NCOA6: variants seen among roughly 807,000 people sequenced by gnomAD.
NCOA6 encodes the protein NRC RAP250.
Under a neutral mutation model 171.4 loss-of-function variants are expected in NCOA6, and 49 were observed. The ratio of observed to expected loss-of-function variants is 0.29; its 90% CI spans 0.23 to 0.36. The LOEUF (loss-of-function observed/expected upper bound fraction) is 0.36, where lower values mean the gene tolerates loss of function less well. Among genes scored for constraint, NCOA6 ranks in the 10% least tolerant of loss-of-function variants. The pLI is 1.00. For missense variants in NCOA6, 2,248 were observed against 2,554.5 expected (o/e 0.88, Z 2.59); for synonymous variants, 910 against 927.5 (o/e 0.98, Z 0.34).
At chr20:34,824,997 C>A (rs900952208) in intron 1 of NCOA6, among the ~76,000 whole-genome samples, 2 of 152,160 alleles carry the variant, frequency 1.3e-5, no homozygotes, top group Non-Finnish European at 2.9e-5. Flanking sequence ...TCTAACACCG[C>A]CTAAGGCCTA....
chr20:34,743,630 A>G (rs562565849), intron 10 of NCOA6, among the ~76,000 whole-genome samples: 2 of 152,346 alleles, frequency 1.3e-5, no homozygotes, highest in South Asian at 2.1e-4. Flanking sequence ...TGTGCTATGC[A>G]CTGAAAATGG....
intron 1 of NCOA6, among the ~76,000 whole-genome samples, chr20:34,805,841 T>C (rs1251246195): frequency 6.6e-6 from 1 of 151,980 alleles, no homozygotes; most frequent in East Asian, 1.9e-4. Flanking sequence ...GCGCACACCA[T>C]TGTACCCAGC....
At chr20:34,775,304 A>AGG (rs1376502078) in intron 4 of NCOA6, among the ~76,000 whole-genome samples, 129 of 149,376 alleles carry the variant, frequency 8.6e-4, no homozygotes, top group African/African-American at 2.8e-3. Flanking sequence ...ATAGGGGTGT[A>AGG]GGTGTGTGTG....
At position 34,763,731 on chromosome 20, in the gene NCOA6, A is replaced by G. The variant is rs190533549; in HGVS notation, c.514+4733T>C. On this transcript the variant is annotated intron_variant, in intron 5 of 14. Coordinates refer to ENST00000359003, the MANE Select transcript of NCOA6 (RefSeq NM_014071.5). Reference sequence around the variant, plus strand: ...AAATGTCCAAAATGCAAGAGGGTAGAGAAGACAATTCCACAACACCCATTC... The same window carrying G: ...AAATGTCCAAAATGCAAGAGGGTAGGGAAGACAATTCCACAACACCCATTC... Among the ~76,000 whole-genome samples, 570 of 152,310 alleles carry G rather than the reference A, an allele frequency of 3.7e-3. 4 individuals carry two copies. The highest frequency in any genetic ancestry group is 0.013 in the African/African-American group (558 of 41,564).
chr20:34,777,648 T>C (rs570964747), intron 3 of NCOA6, among the ~76,000 whole-genome samples: 4 of 149,882 alleles, frequency 2.7e-5, no homozygotes, highest in Non-Finnish European at 5.9e-5. Context: ...CCTTGCGCAC[T>C]GTCAGTGGGA....
In NCOA6 at chr20:34,767,284, G is replaced by T. The variant is rs148626452; in HGVS notation, c.514+1180C>A. Among the ~76,000 whole-genome samples, 103 of 152,214 alleles carry T rather than the reference G, an allele frequency of 6.8e-4. 1 individual carries two copies. The highest frequency in any genetic ancestry group is 1.1e-3 in the Non-Finnish European group (77 of 67,994). On this transcript the variant is annotated intron_variant, in intron 5 of 14. Coordinates refer to ENST00000359003, the MANE Select transcript of NCOA6 (RefSeq NM_014071.5). The stretch of plus-strand genomic sequence containing the variant: ...TTCTATGATCAGTTCATTAGCTACA[G>T]TTCAGAATAGCATTTTTTTTGTTTT...
At chr20:34,776,532 A>G (rs1343790752) in intron 3 of NCOA6, 84 bp from the exon 4 acceptor site, 9 of 1,471,312 alleles carry the variant, frequency 6.1e-6, no homozygotes, top group South Asian at 1.2e-5. Flanking sequence ...CAAAAGAGCA[A>G]AAGAATAAGG....
At chr20:34,753,776 C>T (rs2076565011) in intron 8 of NCOA6, among the ~76,000 whole-genome samples, 1 of 152,100 alleles carries the variant, frequency 6.6e-6, no homozygotes, top group African/African-American at 2.4e-5. Context: ...TGTTACCCTG[C>T]CAGAAATAGT....
chr20:34,782,244 T>G lies in NCOA6; in HGVS notation c.112A>C (p.Lys38Gln). The stretch of plus-strand genomic sequence containing the variant: ...GAATCCTCCAAAATACTATCACTTT[T>G]TGTGTCATCATCTTCTAGTCCAGAG... ...FDSGLEDDDT[K>Q]SDSILEDSTI... Residue 38 changes from lysine (K) to glutamine (Q), a missense_variant, in exon 3 of 15, where the codon AAA becomes CAA. By Grantham distance (53) the Lys-to-Gln change is moderately conservative. Coordinates refer to ENST00000359003, the MANE Select transcript of NCOA6 (RefSeq NM_014071.5). 1 of 1,612,690 alleles carries G rather than the reference T, an allele frequency of 6.2e-7. No individual in the cohort carries two copies. Among genetic ancestry groups the G allele is most frequent in the Non-Finnish European group, 8.5e-7 (1 of 1,179,206 alleles).
At chr20:34,790,013 T>A (rs1390090464) in intron 2 of NCOA6, among the ~76,000 whole-genome samples, 2 of 150,506 alleles carry the variant, frequency 1.3e-5, no homozygotes, top group Non-Finnish European at 3.0e-5. Flanking sequence ...GGCGGGTGGA[T>A]CACTTGAGGT....
At chr20:34,751,376 C>CCAAAAAAAAA (rs2076478370) in intron 8 of NCOA6, among the ~76,000 whole-genome samples, 1 of 68,294 alleles carries the variant, frequency 1.5e-5, no homozygotes, top group African/African-American at 6.0e-5. Flanking sequence ...GACTCCGTCT[C>CCAAAAAAAAA]AAAAAAAAAA....
chr20:34,784,558 A>G (rs1471872543), intron 2 of NCOA6, among the ~76,000 whole-genome samples: 5 of 151,426 alleles, frequency 3.3e-5, no homozygotes, highest in Non-Finnish European at 7.4e-5. Flanking sequence ...AGGCTGGTGG[A>G]TGGCTTGAGG....
At chr20:34,745,550 A>G (rs1466400142) in intron 10 of NCOA6, among the ~76,000 whole-genome samples, 1 of 152,236 alleles carries the variant, frequency 6.6e-6, no homozygotes, top group Non-Finnish European at 1.5e-5. Context: ...TATTGATATC[A>G]TGATGGATTT....
At chr20:34,756,695 T>G (rs1436031042) in intron 7 of NCOA6, among the ~76,000 whole-genome samples, 2 of 152,212 alleles carry the variant, frequency 1.3e-5, no homozygotes, top group Non-Finnish European at 2.9e-5. Context: ...GGCATTGGCA[T>G]TATAAAACTA....
rs2077038395 is a variant in NCOA6, at chr20:34,768,243, CA to C, written c.514+220del. On this transcript the variant is annotated intron_variant, in intron 5 of 14. Coordinates refer to ENST00000359003, the MANE Select transcript of NCOA6 (RefSeq NM_014071.5). ...GTCAATAAATGTTTGCTGCATGGCT[CA>C]GTGTTCATCAACCTTTAAGCACGAG... Among the ~76,000 whole-genome samples, 3 of 152,162 alleles carry C rather than the reference CA, an allele frequency of 2.0e-5. No homozygotes were observed. The South Asian group carries it at 6.2e-4, about 31-fold the overall frequency.
chr20:34,796,739 G>A (rs1340017857), intron 1 of NCOA6, among the ~76,000 whole-genome samples: 1 of 151,982 alleles, frequency 6.6e-6, no homozygotes, highest in Non-Finnish European at 1.5e-5. Context: ...GACTGAGGCT[G>A]CAGTGTGCCA....
intron 11 of NCOA6, among the ~76,000 whole-genome samples, chr20:34,737,882 T>C (rs951447720): frequency 6.6e-6 from 1 of 152,236 alleles, no homozygotes; most frequent in Non-Finnish European, 1.5e-5. Flanking sequence ...TTAACTTTAG[T>C]GTTCATTTCT....
chr20:34,744,727 A>G (rs1194863420), intron 10 of NCOA6, among the ~76,000 whole-genome samples: 1 of 152,200 alleles, frequency 6.6e-6, no homozygotes, highest in East Asian at 1.9e-4. Context: ...AAAGCCAATA[A>G]CATGGCATTT....
chr20:34,817,469 CAAATA>C (rs2078879846), intron 1 of NCOA6, among the ~76,000 whole-genome samples: 1 of 151,910 alleles, frequency 6.6e-6, no homozygotes, highest in East Asian at 1.9e-4. Context: ...GATTGTATAT[CAAATA>C]AAGCATATGA....
Sources: allele counts gnomAD v4.1 joint callset (sites outside exome capture counted in the v4.1 genomes callset), GRCh38; gene constraint gnomAD v4.1.1; transcripts MANE v1.5; gene names NCBI Gene and HGNC (gene_info 2026-07-23, HGNC 2026-07-21).